Variants in DNAJC6 observed in about 807,000 individuals in gnomAD.
The protein encoded by DNAJC6 is auxilin.
DNAJC6 carries 34 observed loss-of-function variants against 110.0 expected under a neutral mutation model. The ratio of observed to expected loss-of-function variants is 0.31; its 90% CI spans 0.24 to 0.41. The LOEUF is 0.41. Among genes scored for constraint, DNAJC6 ranks in the 10% least tolerant of loss-of-function variants. DNAJC6 has a pLI of 1.00. For synonymous variants in DNAJC6, 406 were observed against 437.2 expected, an observed-to-expected ratio of 0.93 and a Z score of 0.89; for missense variants, 1,031 against 1,207.8, an observed-to-expected ratio of 0.85 and a Z score of 2.17.
chr1:65,370,219 A>G (rs1223134798), intron 4 of DNAJC6, among the ~76,000 whole-genome samples: 1 of 152,206 alleles, frequency 6.6e-6, no homozygotes, highest in African/African-American at 2.4e-5. Flanking sequence ...GAGCTTAACC[A>G]TCTGTTTCTG....
intron 1 of DNAJC6, among the ~76,000 whole-genome samples, chr1:65,333,448 A>G (rs1266433290): frequency 6.6e-6 from 1 of 152,098 alleles, no homozygotes; most frequent in Admixed American, 6.6e-5. Flanking sequence ...TCAGCTTTAC[A>G]ACTGCCTTGT....
At chr1:65,398,169 G>A (rs1037914736) in intron 13 of DNAJC6, among the ~76,000 whole-genome samples, 5 of 152,068 alleles carry the variant, frequency 3.3e-5, no homozygotes, top group Non-Finnish European at 5.9e-5. Flanking sequence ...GAACTTTGAG[G>A]GGGGGTCAGA....
intron 1 of DNAJC6, among the ~76,000 whole-genome samples, chr1:65,352,694 T>G (rs1645503578): frequency 6.6e-6 from 1 of 152,198 alleles, no homozygotes; most frequent in Non-Finnish European, 1.5e-5. Context: ...CCACAACCAC[T>G]GCTACTTTTC....
At chr1:65,290,083 T>TAC (rs1227737236) in intron 1 of DNAJC6, among the ~76,000 whole-genome samples, 1 of 152,190 alleles carries the variant, frequency 6.6e-6, no homozygotes, top group East Asian at 1.9e-4. Flanking sequence ...GTGCTGGGAT[T>TAC]ACTGGTATGA....
At chr1:65,339,101 C>A (rs1224880932) in intron 1 of DNAJC6, among the ~76,000 whole-genome samples, 1 of 152,090 alleles carries the variant, frequency 6.6e-6, no homozygotes, top group African/African-American at 2.4e-5. Flanking sequence ...TGTTTTCCCA[C>A]CACCTATCAC....
At chr1:65,375,489 G>A (rs112937277) in intron 4 of DNAJC6, among the ~76,000 whole-genome samples, 3,078 of 150,776 alleles carry the variant, frequency 0.02, 125 homozygotes, top group African/African-American at 0.072. Context: ...GCAGTTGTGC[G>A]ATCTCGGCTC....
chr1:65,265,439 G>A (rs969908370), intron 1 of DNAJC6, among the ~76,000 whole-genome samples: 16 of 152,092 alleles, frequency 1.1e-4, no homozygotes, highest in Non-Finnish European at 2.1e-4. Context: ...CTGACCTTCA[G>A]AACTGTTTAT....
chr1:65,299,397 G>T (rs1644956657), intron 1 of DNAJC6, among the ~76,000 whole-genome samples: 1 of 152,206 alleles, frequency 6.6e-6, no homozygotes, highest in African/African-American at 2.4e-5. Context: ...AGGGATAGCT[G>T]TACTAGGGAG....
At chr1:65,357,544 C>T (rs2101536806) in intron 1 of DNAJC6, among the ~76,000 whole-genome samples, 1 of 152,256 alleles carries the variant, frequency 6.6e-6, no homozygotes, top group Non-Finnish European at 1.5e-5. Flanking sequence ...CTCCCTGTCC[C>T]CAGCATATTA....
chr1:65,277,041 A>C (rs914723918), intron 1 of DNAJC6, among the ~76,000 whole-genome samples: 2 of 152,196 alleles, frequency 1.3e-5, no homozygotes, highest in African/African-American at 4.8e-5. Context: ...TACTTCACAC[A>C]GATGTTTAAA....
Position 65,392,821 on chromosome 1 carries a change from C to G in DNAJC6, c.1859C>G (p.Ser620Cys). Residue 620 changes from serine (S) to cysteine (C), a missense_variant, in exon 12 of 19, where the codon TCT becomes TGT. Ser to Cys is a moderately radical substitution (Grantham distance 112, BLOSUM62 -1). Coordinates refer to ENST00000371069, the MANE Select transcript of DNAJC6 (RefSeq NM_001256864.2). ...TCTACCCAGTCAACACCACGCCGCT[C>G]TGCCACCTCCACCTCTGCGTCTCCA... Reference protein sequence around the residue: ...PASTQSTPRRSATSTSASPTL... With the variant: ...PASTQSTPRRCATSTSASPTL... The G allele has an allele frequency of 1.3e-6, 2 of 1,560,868 alleles. No individual in the cohort carries two copies.
chr1:65,279,983 A>G, intron 1 of DNAJC6: 1 of 154,294 alleles, frequency 6.5e-6, no homozygotes, highest in Non-Finnish European at 1.4e-5. Flanking sequence ...CAGGTTCCTT[A>G]ACTTCTCTGA....
upstream of DNAJC6, among the ~76,000 whole-genome samples, chr1:65,307,010 CTCTCTCTCTATA>C (rs1325348813): frequency 7.9e-3 from 673 of 84,660 alleles, 3 homozygotes; most frequent in East Asian, 0.047. Flanking sequence ...CTCTCTCTCT[CTCTCTCTCTATA>C]TATATATATA....
At chr1:65,332,433 A>C (rs1056211528) in intron 1 of DNAJC6, among the ~76,000 whole-genome samples, 2 of 152,238 alleles carry the variant, frequency 1.3e-5, no homozygotes, top group Admixed American at 1.3e-4. Context: ...AAGTGCAGAA[A>C]TGAAAAAGAG....
intron 1 of DNAJC6, among the ~76,000 whole-genome samples, chr1:65,311,560 A>G (rs566438504): frequency 6.6e-6 from 1 of 152,188 alleles, no homozygotes; most frequent in African/African-American, 2.4e-5. Context: ...TGGTTATTCA[A>G]TGTATGTTTT....
At position 65,389,200 on chromosome 1, in the gene DNAJC6, A is replaced by G; in HGVS notation, c.1194-56A>G. 8 of 1,516,670 alleles carry G rather than the reference A, an allele frequency of 5.3e-6. No individual in the cohort carries two copies. In the East Asian group the frequency reaches 9.0e-5, roughly 17 times the overall value. 94.0% of individuals were successfully genotyped at this position (1,516,670 alleles called of 1,614,324 possible). On this transcript the variant is annotated intron_variant, in intron 9 of 18. Coordinates refer to ENST00000371069, the MANE Select transcript of DNAJC6 (RefSeq NM_001256864.2). ...ACCTAAGATGACTTCTGTGCCAAAC[A>G]TCATACCAGTTCCATTGTTTTTCAC...
At chr1:65,273,317 G>A (rs371789757) in intron 1 of DNAJC6, among the ~76,000 whole-genome samples, 1 of 152,104 alleles carries the variant, frequency 6.6e-6, no homozygotes, top group Admixed American at 6.5e-5. Context: ...CCTTTAAGCC[G>A]GCCAGGCGTG....
chr1:65,302,222 AATAT>A (rs1644991980), intron 1 of DNAJC6, among the ~76,000 whole-genome samples: 2 of 141,498 alleles, frequency 1.4e-5, no homozygotes, highest in African/African-American at 2.6e-5. Flanking sequence ...ATATCAATAT[AATAT>A]ACTATTATAT....
intron 1 of DNAJC6, among the ~76,000 whole-genome samples, chr1:65,331,094 G>C (rs752750204): frequency 1.3e-5 from 2 of 152,034 alleles, no homozygotes; most frequent in Non-Finnish European, 1.5e-5. Context: ...TAGTCCATGC[G>C]ACGAGCTAAA....
Sources: allele counts gnomAD v4.1 joint callset (sites outside exome capture counted in the v4.1 genomes callset), GRCh38; gene constraint gnomAD v4.1.1; transcripts MANE v1.5; gene names NCBI Gene and HGNC (gene_info 2026-07-23, HGNC 2026-07-21).